UBE4B: variants seen among roughly 807,000 people sequenced by gnomAD.
UBE4B encodes the protein ubiquitination factor E4B.
A neutral mutation model predicts 148.1 loss-of-function variants in UBE4B; 27 were observed. That is an observed-to-expected ratio of 0.18 (90% CI 0.13 to 0.25). UBE4B has a LOEUF of 0.25. UBE4B is among the 10% of genes least tolerant of loss of function. The pLI, the probability that UBE4B is intolerant of heterozygous loss-of-function variation, is 1.00. For missense variants in UBE4B, 1,170 were observed against 1,662.4 expected, an observed-to-expected ratio of 0.70 and a Z score of 5.15; for synonymous variants, 596 against 619.3, an observed-to-expected ratio of 0.96 and a Z score of 0.56.
chr1:10,041,822 G>A (rs537647962), intron 1 of UBE4B, among the ~76,000 whole-genome samples: 5 of 151,834 alleles, frequency 3.3e-5, no homozygotes, highest in South Asian at 2.1e-4. Context: ...TCAGCCTCCC[G>A]AGTAGCTGGG....
chr1:10,107,638 C>T (rs1188091249), intron 7 of UBE4B, among the ~76,000 whole-genome samples: 1 of 145,176 alleles, frequency 6.9e-6, no homozygotes, highest in Non-Finnish European at 1.5e-5. Context: ...AGTGCAATGG[C>T]GCAATCTCGG....
At chr1:10,069,735 G>T (rs748150535) in intron 1 of UBE4B, among the ~76,000 whole-genome samples, 3 of 152,024 alleles carry the variant, frequency 2.0e-5, no homozygotes, top group Non-Finnish European at 4.4e-5. Flanking sequence ...GGGTTTTGCC[G>T]TGTTGGCCAG....
At chr1:10,067,835 C>T (rs1270512373) in intron 1 of UBE4B, among the ~76,000 whole-genome samples, 1 of 152,008 alleles carries the variant, frequency 6.6e-6, no homozygotes, top group Non-Finnish European at 1.5e-5. Flanking sequence ...TCACGCCATT[C>T]TCCTGCCTCA....
intron 18 of UBE4B, among the ~76,000 whole-genome samples, chr1:10,146,491 A>T (rs970403442): frequency 6.6e-6 from 1 of 152,186 alleles, no homozygotes; most frequent in Non-Finnish European, 1.5e-5. Flanking sequence ...GCTTAAATGT[A>T]TACATCAGTG....
At chr1:10,117,894 C>T (rs1264825141) in intron 8 of UBE4B, among the ~76,000 whole-genome samples, 1 of 152,178 alleles carries the variant, frequency 6.6e-6, no homozygotes, top group African/African-American at 2.4e-5. Flanking sequence ...ACTCATATGG[C>T]CCTGATAATT....
intron 7 of UBE4B, among the ~76,000 whole-genome samples, chr1:10,111,180 C>A (rs1557563101): frequency 6.6e-6 from 1 of 150,888 alleles, no homozygotes; most frequent in South Asian, 2.1e-4. Flanking sequence ...CCATGGTCTA[C>A]AAGGCCCTGC....
At chr1:10,101,072 A>C (rs1324050006) in intron 3 of UBE4B, 36 bp from the exon 4 acceptor site, 2 of 1,595,388 alleles carry the variant, frequency 1.3e-6, no homozygotes, top group Non-Finnish European at 1.7e-6. Flanking sequence ...CGGATTTATA[A>C]AAGGTAAAAG....
Position 10,106,670 on chromosome 1 carries a change from T to C in UBE4B, c.1196+87T>C. The C allele has an allele frequency of 6.9e-7, 1 of 1,452,766 alleles. No homozygotes were observed. The highest frequency in any genetic ancestry group is 1.5e-5 in the South Asian group (1 of 68,528). The allele number at this position is 1,452,766 out of a possible 1,614,324, so 90.0% of individuals were successfully genotyped here. A position where few individuals can be genotyped will look rare whatever the true frequency, so the allele number is the denominator to read the frequency against. On this transcript the variant is annotated intron_variant, in intron 7 of 27. Transcript: ENST00000343090. The surrounding 1 kb of genome is among the most constrained non-coding windows in gnomAD (Gnocchi z 4.2). ...GTTTGGAAGAAGTGCTGTGTGACAC[T>C]GACTCTGTTAAATTGTTGTTTTGGG...
chr1:10,112,267 A>G (rs967802796), intron 7 of UBE4B, among the ~76,000 whole-genome samples: 1 of 152,226 alleles, frequency 6.6e-6, no homozygotes, highest in East Asian at 1.9e-4. Context: ...AATTTTCTAG[A>G]TGCTCTTAGG....
intron 11 of UBE4B, among the ~76,000 whole-genome samples, chr1:10,128,023 C>T (rs984725915): frequency 3.3e-5 from 5 of 152,156 alleles, no homozygotes; most frequent in African/African-American, 1.2e-4. Context: ...TTCCATTGTA[C>T]ATGTTATTGG....
chr1:10,060,291 A>G (rs907360432), intron 1 of UBE4B, among the ~76,000 whole-genome samples: 1 of 152,172 alleles, frequency 6.6e-6, no homozygotes, highest in Non-Finnish European at 1.5e-5. Context: ...CTCCTTGGAT[A>G]CTTACGGTAT....
intron 25 of UBE4B, among the ~76,000 whole-genome samples, chr1:10,176,316 A>G (rs1191587464): frequency 6.6e-6 from 1 of 152,162 alleles, no homozygotes; most frequent in Non-Finnish European, 1.5e-5. Context: ...CATTTGTGTA[A>G]AAGTATTTAA....
intron 10 of UBE4B, among the ~76,000 whole-genome samples, 175 bp downstream of exon 10, chr1:10,122,251 A>C (rs1462602920): frequency 6.6e-6 from 1 of 152,206 alleles, no homozygotes; most frequent in African/African-American, 2.4e-5. Context: ...TGTTCAAATC[A>C]TGTGCCCATT....
intron 3 of UBE4B, 90 bp downstream of exon 3, chr1:10,095,686 G>A (rs1043922948): frequency 6.7e-7 from 1 of 1,498,874 alleles, no homozygotes; most frequent in Admixed American, 1.9e-5. Flanking sequence ...AGTCAGAAAT[G>A]CCAGCTAGAG....
intron 2 of UBE4B, among the ~76,000 whole-genome samples, chr1:10,086,107 G>A (rs552022586): frequency 8.5e-5 from 13 of 152,224 alleles, no homozygotes; most frequent in Admixed American, 7.8e-4. Flanking sequence ...GAGTAGCTGG[G>A]ACTACAGGCG....
chr1:10,154,503 G>A (rs967837414), intron 21 of UBE4B, among the ~76,000 whole-genome samples: 1 of 152,076 alleles, frequency 6.6e-6, no homozygotes, highest in African/African-American at 2.4e-5. Flanking sequence ...TGTAAGTGAT[G>A]TTCTCCACAG....
chr1:10,176,989 A>G lies in UBE4B; in HGVS notation c.3526-1655A>G, dbSNP rs559302451. ...TTTTTAGTAGAGACGGGGTTTCACC[A>G]TGTTAGCCAGGATGGTCTCGATCTC... is the stretch of plus-strand genomic sequence containing the variant. On this transcript the variant is annotated intron_variant, in intron 25 of 27. Transcript: ENST00000343090. Among the ~76,000 whole-genome samples, 18 of 150,196 alleles carry G rather than the reference A, an allele frequency of 1.2e-4. No individual in the cohort carries two copies. The South Asian group carries it at 3.1e-3, about 26-fold the overall frequency.
intron 25 of UBE4B, among the ~76,000 whole-genome samples, chr1:10,172,734 A>G (rs1646356497): frequency 1.3e-5 from 2 of 152,182 alleles, no homozygotes; most frequent in African/African-American, 4.8e-5. Context: ...GCTATAACTC[A>G]CATATGTAGG....
In UBE4B at chr1:10,151,419, A is replaced by G; in HGVS notation, c.2784A>G (p.Pro928=). The change falls in exon 21 of 28, where the codon CCA becomes CCG. Residue 928 remains proline (P), a synonymous_variant. Transcript: ENST00000343090. ...GCAACCAGAACTACATCCGAAACCC[A>G]TATTTGGTGGCCAAACTGGTAGAAG... ...MLCNQNYIRN[P]YLVAKLVEVM... The G allele has an allele frequency of 6.2e-7, 1 of 1,614,148 alleles. No individual in the cohort carries two copies.
Sources: allele counts gnomAD v4.1 joint callset (sites outside exome capture counted in the v4.1 genomes callset), GRCh38; gene constraint gnomAD v4.1.1; non-coding constraint Gnocchi (gnomAD v3.1); transcripts MANE v1.5; gene names NCBI Gene and HGNC (gene_info 2026-07-23, HGNC 2026-07-21).